NRG1: variants seen among roughly 807,000 people sequenced by gnomAD.
NRG1 encodes the protein neuregulin 1.
NRG1 carries 18 observed loss-of-function variants against 63.8 expected under a neutral mutation model. The observed-to-expected ratio is 0.28, with a 90% CI of 0.19 to 0.42. The LOEUF is 0.42. Ranked by LOEUF, NRG1 falls within the 10% of genes least tolerant of loss-of-function variation. The pLI is 1.00. For synonymous variants in NRG1, 302 were observed against 301.3 expected, an observed-to-expected ratio of 1.00 and a Z score of -0.02; for missense variants, 762 against 814.7, an observed-to-expected ratio of 0.94 and a Z score of 0.79.
At chr8:32,609,558 CCTTCCTTCCT>C (rs1563760371) in intron 3 of NRG1, among the ~76,000 whole-genome samples, 796 of 46,168 alleles carry the variant, frequency 0.017, 32 homozygotes, top group African/African-American at 0.051. Flanking sequence ...CTCCCTCCTT[CCTTCCTTCCT>C]TCCTTCCTTC....
At chr8:32,750,026 T>C (rs1398188532) in intron 7 of NRG1, 1 of 172,612 alleles carries the variant, frequency 5.8e-6, no homozygotes, top group African/African-American at 2.4e-5. Context: ...ATTTTTGGCA[T>C]ACAATGTAAA....
intron 1 of NRG1, among the ~76,000 whole-genome samples, chr8:32,518,954 TAA>T (rs1201653362): frequency 6.6e-6 from 1 of 152,212 alleles, no homozygotes; most frequent in Non-Finnish European, 1.5e-5. Flanking sequence ...AAATCATAAA[TAA>T]GTTTCTCCTA....
chr8:32,533,037 CA>C (rs11419276), intron 1 of NRG1, among the ~76,000 whole-genome samples: 9 of 147,564 alleles, frequency 6.1e-5, no homozygotes, highest in Admixed American at 6.8e-5. Flanking sequence ...GATGTTTCAC[CA>C]AAAAAAAAAG....
chr8:32,616,539 G>A (rs944368282), intron 4 of NRG1, among the ~76,000 whole-genome samples: 3 of 152,124 alleles, frequency 2.0e-5, no homozygotes, highest in Admixed American at 6.6e-5. Context: ...CCTGTGGTGT[G>A]TATCTCCTCA....
intron 2 of NRG1, among the ~76,000 whole-genome samples, chr8:32,603,977 G>A (rs1278294906): frequency 6.6e-6 from 1 of 152,182 alleles, no homozygotes; most frequent in East Asian, 1.9e-4. Flanking sequence ...AATGTCTGAA[G>A]AGAAAGCATA....
chr8:32,450,332 A>G (rs1820797872), intron 1 of NRG1, among the ~76,000 whole-genome samples: 1 of 152,114 alleles, frequency 6.6e-6, no homozygotes, highest in Non-Finnish European at 1.5e-5. Context: ...TGAGGCCAAG[A>G]GTTCCAGGCT....
intron 1 of NRG1, among the ~76,000 whole-genome samples, chr8:32,185,174 A>G (rs1390181129): frequency 6.6e-6 from 1 of 152,214 alleles, no homozygotes; most frequent in African/African-American, 2.4e-5. Context: ...ACACACACAA[A>G]TATGCATGCA....
At chr8:31,745,375 G>A (rs1025569364) in intron 1 of NRG1, among the ~76,000 whole-genome samples, 2 of 151,798 alleles carry the variant, frequency 1.3e-5, no homozygotes, top group South Asian at 2.1e-4. Flanking sequence ...GAGTCGTGGC[G>A]GCCACTGTAA....
chr8:32,224,669 T>G (rs1846149564), intron 1 of NRG1, among the ~76,000 whole-genome samples: 1 of 152,206 alleles, frequency 6.6e-6, no homozygotes, highest in Non-Finnish European at 1.5e-5. Flanking sequence ...CATTGCTCTC[T>G]CTAGACAAAG....
chr8:31,898,521 C>G (rs1220071176), intron 1 of NRG1, among the ~76,000 whole-genome samples: 1 of 151,996 alleles, frequency 6.6e-6, no homozygotes, highest in African/African-American at 2.4e-5. Context: ...TTCTGATCTG[C>G]TGCTCTACCC....
intron 1 of NRG1, among the ~76,000 whole-genome samples, chr8:32,222,145 G>C (rs1486353923): frequency 6.6e-6 from 1 of 151,848 alleles, no homozygotes; most frequent in Non-Finnish European, 1.5e-5. Flanking sequence ...ATATACACAA[G>C]GGTCTCCAAT....
intron 1 of NRG1, among the ~76,000 whole-genome samples, chr8:31,965,449 C>T (rs1193324979): frequency 6.6e-6 from 1 of 152,090 alleles, no homozygotes; most frequent in Non-Finnish European, 1.5e-5. Context: ...TCTTGAATTC[C>T]CAACCTCATG....
chr8:31,693,468 C>A (rs76136169), intron 1 of NRG1, among the ~76,000 whole-genome samples: 2 of 150,758 alleles, frequency 1.3e-5, no homozygotes, highest in Non-Finnish European at 3.0e-5. Context: ...TATAGACCCT[C>A]GTTTTACAGT....
At chr8:31,897,664 C>T (rs1313620663) in intron 1 of NRG1, among the ~76,000 whole-genome samples, 1 of 152,054 alleles carries the variant, frequency 6.6e-6, no homozygotes, top group African/African-American at 2.4e-5. Flanking sequence ...CCAGACATTC[C>T]CTTCTATTCA....
At chr8:31,857,565 C>T (rs185212999) in intron 1 of NRG1, among the ~76,000 whole-genome samples, 1 of 152,206 alleles carries the variant, frequency 6.6e-6, no homozygotes, top group Non-Finnish European at 1.5e-5. Context: ...GCAGAAATCA[C>T]CCGTCTTCTG....
intron 1 of NRG1, among the ~76,000 whole-genome samples, chr8:31,916,355 TC>T (rs1257853113): frequency 1.3e-5 from 2 of 152,036 alleles, no homozygotes; most frequent in Non-Finnish European, 2.9e-5. Flanking sequence ...ATGCTATCCC[TC>T]CCCCTACCCC....
intron 1 of NRG1, among the ~76,000 whole-genome samples, chr8:32,489,858 T>A (rs1286698864): frequency 3.3e-5 from 5 of 152,090 alleles, no homozygotes; most frequent in Non-Finnish European, 7.4e-5. Flanking sequence ...GTATTTGGAG[T>A]CTGATTGAAA....
At chr8:32,189,311 C>A (rs1019878991) in intron 1 of NRG1, among the ~76,000 whole-genome samples, 2 of 152,084 alleles carry the variant, frequency 1.3e-5, no homozygotes, top group African/African-American at 4.8e-5. Context: ...TTAGCTCCCA[C>A]TTATAAGTGA....
At chr8:32,293,627 A>G (rs1415360225) in intron 1 of NRG1, among the ~76,000 whole-genome samples, 3 of 151,072 alleles carry the variant, frequency 2.0e-5, no homozygotes, top group Non-Finnish European at 4.4e-5. Context: ...AGGAAAAGCC[A>G]TTTTATTTTA....
Sources: gnomAD v4.1 joint callset for allele counts (sites outside exome capture counted in the v4.1 genomes callset) on GRCh38, gnomAD v4.1.1 for gene constraint, MANE v1.5 for transcripts, NCBI Gene and HGNC (gene_info 2026-07-23, HGNC 2026-07-21) for gene names.